Variants in LIG1 observed in about 807,000 individuals in gnomAD.
LIG1 encodes DNA ligase 1, also known as ligase I, DNA, ATP-dependent.
LIG1 carries 70 observed loss-of-function variants against 115.7 expected under a neutral mutation model. That is an observed-to-expected ratio of 0.60 (90% confidence interval 0.50 to 0.74). The LOEUF is 0.74. Among genes scored for constraint, LIG1 ranks in the 30% least tolerant of loss-of-function variants. The pLI, the probability that LIG1 is intolerant of heterozygous loss-of-function variation, is 0.00. For synonymous variants in LIG1, 487 were observed against 495.3 expected (o/e 0.98, Z 0.22); for missense variants, 1,115 against 1,225.6 (o/e 0.91, Z 1.35).
At chr19:48,144,552 A>G (rs969847256) in intron 9 of LIG1, among the ~76,000 whole-genome samples, 3 of 152,084 alleles carry the variant, frequency 2.0e-5, no homozygotes, top group Admixed American at 6.6e-5. Context: ...CCCAGGCTGG[A>G]GTGCAGTGGC....
chr19:48,154,409 G>C (rs1359488119), intron 5 of LIG1: 1 of 239,316 alleles, frequency 4.2e-6, no homozygotes, highest in African/African-American at 2.2e-5. Context: ...ATCGGCAGGA[G>C]TTGGTGTATA....
At chr19:48,127,051 C>G in intron 21 of LIG1, 1 of 564,612 alleles carries the variant, frequency 1.8e-6, no homozygotes, top group Non-Finnish European at 3.2e-6. Context: ...AGATCCACCT[C>G]ACGCCAATGT....
chr19:48,115,685 G>C lies in LIG1; in HGVS notation c.2724C>G (p.Gly908=), dbSNP rs777120650. The C allele has an allele frequency of 6.2e-7, 1 of 1,614,086 alleles. No individual in the cohort carries two copies. The highest frequency in any genetic ancestry group is 8.5e-7 in the Non-Finnish European group (1 of 1,179,940). Residue 908 remains glycine, a synonymous_variant, in exon 28 of 28, where the codon GGC becomes GGG. Coordinates refer to ENST00000263274, the MANE Select transcript of LIG1 (RefSeq NM_000234.3). The stretch of plus-strand genomic sequence containing the variant: ...CTTCAGGGTCAGAGCCTGAGTCCTC[G>C]CCTTGTTGGTTCTGAATCTGACTTT... ...RKQSQIQNQQ[G]EDSGSDPEDT... is the part of the protein sequence containing the mutation.
chr19:48,123,397 A>T, intron 21 of LIG1, 79 bp from the exon 22 acceptor site: 1 of 1,535,004 alleles, frequency 6.5e-7, no homozygotes, highest in Non-Finnish European at 8.9e-7. Context: ...TGAGGCGAAC[A>T]GGACATGTGC....
chr19:48,127,878 G>A, intron 20 of LIG1, 32 bp downstream of exon 20: 1 of 1,552,304 alleles, frequency 6.4e-7, no homozygotes, highest in Non-Finnish European at 8.9e-7. Context: ...GAAGTACGGG[G>A]CCTTGGCAGG....
chr19:48,165,999 C>T (rs771879788), intron 1 of LIG1, among the ~76,000 whole-genome samples: 6 of 152,144 alleles, frequency 3.9e-5, no homozygotes, highest in Admixed American at 2.0e-4. Context: ...AAATTGTACC[C>T]GCTGGTCTAC....
chr19:48,128,003 G>A lies in LIG1; in HGVS notation c.1839C>T (p.Val613=). Residue 613 remains valine, a synonymous_variant, in exon 20 of 28, where the codon GTC becomes GTT. Transcript: ENST00000263274. ...CTTCGGTGTCCAGGATGAAGGATGT[G>A]ACCGATGGGAGTTTAATCTGAAAAG... The part of the protein sequence containing the change: ...SRIPKIKLPS[V]TSFILDTEAV... 4 of 1,614,072 alleles carry A rather than the reference G, an allele frequency of 2.5e-6. No homozygotes were observed. Among genetic ancestry groups the A allele is most frequent in the Non-Finnish European group, 3.4e-6 (4 of 1,179,950 alleles).
rs781077292 is a variant in LIG1 at position 48,133,044 on chromosome 19, G to C, written c.1663C>G (p.Leu555Val). The change falls in exon 18 of 28, where the codon CTG (leucine) becomes GTG (valine). Residue 555 changes from leucine (L) to valine (V), a missense_variant. Coordinates refer to ENST00000263274, the MANE Select transcript of LIG1 (RefSeq NM_000234.3). ...AHPTRGISEV[L>V]KRFEEAAFTC... ...AAAGCTGCCTCCTCAAAGCGTTTCA[G>C]GACCTCGCTGATGCCCCGGGTGGGA... 3.1e-6 allele frequency: 5 copies of C among 1,614,074 alleles called. No individual in the cohort carries two copies. Among genetic ancestry groups the C allele is most frequent in the African/African-American group, 1.3e-5 (1 of 74,926 alleles).
chr19:48,142,448 A>AAAAAAAAAAAAAAAAAAAAAC (rs1306126726), intron 11 of LIG1, among the ~76,000 whole-genome samples: 1 of 150,084 alleles, frequency 6.7e-6, no homozygotes, highest in African/African-American at 2.4e-5. Context: ...ATCTCAAAAA[A>AAAAAAAAAAAAAAAAAAAAAC]AAAAAAAAAC....
chr19:48,132,172 T>G (rs1208849695), intron 18 of LIG1, among the ~76,000 whole-genome samples: 1 of 151,986 alleles, frequency 6.6e-6, no homozygotes. Flanking sequence ...GGGGTCCACT[T>G]CCTGTAACTG....
chr19:48,149,925 C>A, intron 8 of LIG1, 84 bp from the exon 9 acceptor site: 2 of 1,540,262 alleles, frequency 1.3e-6, no homozygotes, highest in South Asian at 1.1e-5. Context: ...AGCACCACCC[C>A]AGTGCTCAGG....
At chr19:48,167,442 G>A (rs567599993) in intron 1 of LIG1, among the ~76,000 whole-genome samples, 1 of 151,996 alleles carries the variant, frequency 6.6e-6, no homozygotes, top group South Asian at 2.1e-4. Flanking sequence ...AGTACTCTCT[G>A]TCCCGCACCA....
At chr19:48,136,170 C>A in intron 14 of LIG1, 45 bp from the exon 15 acceptor site, 1 of 1,398,642 alleles carries the variant, frequency 7.1e-7, no homozygotes, top group East Asian at 2.5e-5. Flanking sequence ...CTGCACCTCC[C>A]CAATCTTGCC....
chr19:48,138,804 T>G (rs2034559577), intron 12 of LIG1, among the ~76,000 whole-genome samples: 1 of 152,212 alleles, frequency 6.6e-6, no homozygotes, highest in African/African-American at 2.4e-5. Context: ...TTGGGTTTTC[T>G]GTTACCTGCA....
chr19:48,165,126 G>C (rs1313958181), intron 2 of LIG1, among the ~76,000 whole-genome samples: 1 of 152,182 alleles, frequency 6.6e-6, no homozygotes, highest in Non-Finnish European at 1.5e-5. Flanking sequence ...AGGCGTGGTG[G>C]CACGTGCCTA....
chr19:48,121,430 G>T, intron 23 of LIG1, 108 bp from the exon 24 acceptor site: 1 of 1,107,808 alleles, frequency 9.0e-7, no homozygotes, highest in Non-Finnish European at 1.2e-6. Flanking sequence ...AAGTAAGTCT[G>T]AAGGGAACTT....
At chr19:48,120,070 G>T (rs2122329660) in intron 24 of LIG1, 1 of 473,532 alleles carries the variant, frequency 2.1e-6, no homozygotes, top group African/African-American at 2.1e-5. Flanking sequence ...ATGCAAAATG[G>T]TGACAATGTA....
At chr19:48,164,470 G>T (rs1350131732) in intron 2 of LIG1, among the ~76,000 whole-genome samples, 1 of 152,166 alleles carries the variant, frequency 6.6e-6, no homozygotes, top group Non-Finnish European at 1.5e-5. Flanking sequence ...ATTTGAGTGG[G>T]CTGGCCCTTT....
intron 1 of LIG1, among the ~76,000 whole-genome samples, chr19:48,166,522 T>C (rs1012901415): frequency 3.3e-5 from 5 of 151,898 alleles, no homozygotes; most frequent in Admixed American, 6.6e-5. Context: ...TGGAGGGAGA[T>C]TTTTTAATAT....
Sources: allele counts gnomAD v4.1 joint callset (sites outside exome capture counted in the v4.1 genomes callset), GRCh38; gene constraint gnomAD v4.1.1; transcripts MANE v1.5; gene names NCBI Gene and HGNC (gene_info 2026-07-23, HGNC 2026-07-21).